Variants in GPATCH8 observed in about 807,000 individuals in gnomAD.
GPATCH8 encodes the protein G-patch domain containing 8, also known as G patch domain-containing protein 8.
GPATCH8 carries 18 observed loss-of-function variants against 118.3 expected under a neutral mutation model. The ratio of observed to expected loss-of-function variants is 0.15; its 90% CI spans 0.11 to 0.23. The LOEUF (loss-of-function observed/expected upper bound fraction) is 0.23. Among genes scored for constraint, GPATCH8 ranks in the 10% least tolerant of loss-of-function variants. GPATCH8 has a pLI of 1.00. For missense variants in GPATCH8, 1,631 were observed against 1,873.8 expected (o/e 0.87, Z 2.39); for synonymous variants, 659 against 684.7 (o/e 0.96, Z 0.59).
In GPATCH8 at chr17:44,503,334, C is replaced by T; in HGVS notation, c.37G>A (p.Asp13Asn). The T allele has an allele frequency of 6.2e-7, 1 of 1,611,234 alleles. No homozygotes were observed. The highest frequency in any genetic ancestry group is 1.7e-5 in the Admixed American group (1 of 59,712). ...GCGACGCCCGTGTTTACCTGAAAGT[C>T]TCGGTCTTCGTTGAAGCGGGAGAAG... ...DRFSRFNEDR[D>N]FQGNHFDQYE... Residue 13 changes from aspartate (D) to asparagine (N), a missense_variant, in exon 1 of 8, where the codon GAC becomes AAC. By Grantham distance (23) the Asp-to-Asn change is conservative (BLOSUM62 1). This residue lies in a region of GPATCH8 where 28 missense variants were observed against 33.9 expected (regional missense o/e 0.83). Transcript: ENST00000591680.
intron 6 of GPATCH8, among the ~76,000 whole-genome samples, chr17:44,412,466 A>T (rs2049479507): frequency 6.6e-6 from 1 of 151,828 alleles, no homozygotes; most frequent in South Asian, 2.1e-4. Flanking sequence ...GGCTCACCAC[A>T]ACCTCCACCT....
At chr17:44,422,295 C>A (rs1045213341) in intron 6 of GPATCH8, among the ~76,000 whole-genome samples, 6 of 152,044 alleles carry the variant, frequency 3.9e-5, no homozygotes, top group Non-Finnish European at 8.8e-5. Context: ...GATTCTAACA[C>A]CTCGGCTTCT....
chr17:44,411,983 C>T lies in GPATCH8; in HGVS notation c.493-5932G>A, dbSNP rs151338400. Among the ~76,000 whole-genome samples the T allele has an allele frequency of 4.5e-3, 688 of 152,250 alleles. 4 individuals carry two copies. Among genetic ancestry groups the T allele is most frequent in the African/African-American group, 0.016 (659 of 41,550 alleles). ...TGTTGCCCAGGCTGGAGTACAATGGCGCAATCTCAGCTCACCGCAACCTCT... is the reference window on the plus strand; with the variant it reads ...TGTTGCCCAGGCTGGAGTACAATGGTGCAATCTCAGCTCACCGCAACCTCT... On this transcript the variant is annotated intron_variant, in intron 6 of 7. Coordinates refer to ENST00000591680, the MANE Select transcript of GPATCH8 (RefSeq NM_001002909.4).
chr17:44,413,618 G>C lies in GPATCH8; in HGVS notation c.493-7567C>G, dbSNP rs1478876630. ...AGCCTCCTGAGAAGCTGGGACCATA[G>C]ATGCGTGCCACCACACCGGGCTAAT... On this transcript the variant is annotated intron_variant, in intron 6 of 7. Coordinates refer to ENST00000591680, the MANE Select transcript of GPATCH8 (RefSeq NM_001002909.4). Among the ~76,000 whole-genome samples, 1,129 of 152,242 alleles carry C rather than the reference G, an allele frequency of 7.4e-3. 9 individuals are homozygous for C. The highest frequency in any genetic ancestry group is 0.013 in the Non-Finnish European group (870 of 68,022).
chr17:44,479,371 A>G (rs777697909), intron 1 of GPATCH8, among the ~76,000 whole-genome samples: 23 of 152,224 alleles, frequency 1.5e-4, no homozygotes, highest in Non-Finnish European at 1.8e-4. Flanking sequence ...TAGCTAATTA[A>G]CTTTTCAAAT....
chr17:44,493,060 T>TTTTTTTTG (rs1555649576), intron 1 of GPATCH8, among the ~76,000 whole-genome samples: 1 of 149,248 alleles, frequency 6.7e-6, no homozygotes, highest in Admixed American at 6.7e-5. Flanking sequence ...TTAGGTTTTT[T>TTTTTTTTG]TTTTTTTTTT....
intron 3 of GPATCH8, among the ~76,000 whole-genome samples, chr17:44,442,299 G>C (rs900671583): frequency 1.3e-5 from 2 of 150,970 alleles, no homozygotes; most frequent in African/African-American, 4.9e-5. Flanking sequence ...TGACCAGCTG[G>C]AACTTCAGCT....
intron 3 of GPATCH8, among the ~76,000 whole-genome samples, chr17:44,449,317 C>T (rs1335635226): frequency 6.6e-6 from 1 of 152,050 alleles, no homozygotes; most frequent in African/African-American, 2.4e-5. Flanking sequence ...TTCCTGAACC[C>T]TACCCCAGAC....
chr17:44,404,214 T>C (rs1394992320), intron 7 of GPATCH8, among the ~76,000 whole-genome samples: 1 of 151,892 alleles, frequency 6.6e-6, no homozygotes, highest in East Asian at 1.9e-4. Flanking sequence ...CACAGCTCAC[T>C]GCAGCCTTGA....
At chr17:44,425,661 T>C (rs1362804068) in intron 5 of GPATCH8, among the ~76,000 whole-genome samples, 2 of 152,170 alleles carry the variant, frequency 1.3e-5, no homozygotes, top group Non-Finnish European at 2.9e-5. Context: ...CCCAAGTATC[T>C]TGGACTATAG....
chr17:44,414,432 C>T (rs1337660409), intron 6 of GPATCH8, among the ~76,000 whole-genome samples: 1 of 151,964 alleles, frequency 6.6e-6, no homozygotes, highest in African/African-American at 2.4e-5. Context: ...CTCAGCCTCT[C>T]AAACAGCAGG....
intron 3 of GPATCH8, among the ~76,000 whole-genome samples, chr17:44,444,075 A>G (rs2050789935): frequency 6.6e-6 from 1 of 152,196 alleles, no homozygotes; most frequent in Non-Finnish European, 1.5e-5. Flanking sequence ...AAATAGTTCA[A>G]TTTTAATCAT....
chr17:44,459,253 G>A (rs1488627470), intron 3 of GPATCH8, among the ~76,000 whole-genome samples: 2 of 152,140 alleles, frequency 1.3e-5, no homozygotes, highest in African/African-American at 4.8e-5. Flanking sequence ...AACTATTACT[G>A]TTGTTAATCT....
intron 1 of GPATCH8, among the ~76,000 whole-genome samples, chr17:44,475,801 A>C (rs1967721077): frequency 1.3e-5 from 2 of 152,150 alleles, no homozygotes; most frequent in African/African-American, 4.8e-5. Context: ...TGAGGCGGGA[A>C]GATCACTTGA....
chr17:44,427,224 T>C (rs1418541445), intron 5 of GPATCH8, among the ~76,000 whole-genome samples: 1 of 152,044 alleles, frequency 6.6e-6, no homozygotes, highest in African/African-American at 2.4e-5. Flanking sequence ...CACAGGGGCA[T>C]GCCACTATGC....
At chr17:44,463,045 T>C (rs2051623722) in intron 3 of GPATCH8, among the ~76,000 whole-genome samples, 1 of 152,108 alleles carries the variant, frequency 6.6e-6, no homozygotes, top group Admixed American at 6.5e-5. Flanking sequence ...TTTCAAGCCC[T>C]GTCCTCCTGG....
intron 5 of GPATCH8, among the ~76,000 whole-genome samples, chr17:44,428,576 G>C (rs896022397): frequency 6.6e-6 from 1 of 152,010 alleles, no homozygotes; most frequent in Non-Finnish European, 1.5e-5. Context: ...GTTGAGGTGG[G>C]TGGACAGCTT....
intron 3 of GPATCH8, among the ~76,000 whole-genome samples, chr17:44,451,214 C>CT (rs1461916848): frequency 6.6e-6 from 1 of 152,122 alleles, no homozygotes; most frequent in African/African-American, 2.4e-5. Flanking sequence ...ATGCCTCAGC[C>CT]TTCCAAGTAG....
At chr17:44,497,208 A>G (rs35896607) in intron 1 of GPATCH8, among the ~76,000 whole-genome samples, 7,138 of 152,284 alleles carry the variant, frequency 0.047, 531 homozygotes, top group African/African-American at 0.16. Flanking sequence ...AAATACTAGA[A>G]ACTAAGTCAC....
Sources: gnomAD v4.1 joint callset for allele counts (sites outside exome capture counted in the v4.1 genomes callset) on GRCh38, gnomAD v4.1.1 for gene constraint, gnomAD v4.1.1 regional missense constraint, MANE v1.5 for transcripts, NCBI Gene and HGNC (gene_info 2026-07-23, HGNC 2026-07-21) for gene names.